SLC27A6: variants seen among roughly 807,000 people sequenced by gnomAD.
SLC27A6 encodes the protein solute carrier family 27 member 6.
In SLC27A6, 74 loss-of-function variants were observed where a neutral mutation model predicts 63.9. That is an observed-to-expected ratio of 1.16 (90% CI 0.96 to 1.40). The LOEUF is 1.40. Among genes scored for constraint, SLC27A6 ranks in the 40% most tolerant of loss-of-function variants. The pLI is 0.00. For missense variants in SLC27A6, 794 were observed against 732.9 expected (o/e 1.08, Z -0.96); for synonymous variants, 287 against 260.8 (o/e 1.10, Z -0.97).
At chr5:129,019,393 A>G (rs1189809367) in intron 5 of SLC27A6, among the ~76,000 whole-genome samples, 1 of 152,042 alleles carries the variant, frequency 6.6e-6, no homozygotes, top group African/African-American at 2.4e-5. Context: ...GGCAGCTGAA[A>G]AAAATGAATG....
chr5:128,993,494 C>A lies in SLC27A6; in HGVS notation c.969+3030C>A, dbSNP rs565340973. On this transcript the variant is annotated intron_variant, in intron 4 of 9. Coordinates refer to ENST00000262462, the MANE Select transcript of SLC27A6 (RefSeq NM_001017372.3). ...ATATTAATGTGCTCTGTTAAGATTA[C>A]TGGCAAGGTGGGACAGTTTTCCAGC... 5.3e-5 allele frequency among the ~76,000 whole-genome samples: 8 copies of A among 152,238 alleles called. No homozygotes were observed. The South Asian group carries it at 1.7e-3, about 32-fold the overall frequency.
chr5:128,974,171 C>A (rs3863174), intron 1 of SLC27A6, among the ~76,000 whole-genome samples: 1 of 152,082 alleles, frequency 6.6e-6, no homozygotes, highest in Non-Finnish European at 1.5e-5. Context: ...TTCTGTTGAC[C>A]GAATTGTTGT....
At chr5:128,987,793 C>A (rs1189654738) in intron 2 of SLC27A6, among the ~76,000 whole-genome samples, 1 of 151,448 alleles carries the variant, frequency 6.6e-6, no homozygotes, top group African/African-American at 2.4e-5. Context: ...GATGAACACA[C>A]AAATAAATGT....
intron 1 of SLC27A6, among the ~76,000 whole-genome samples, chr5:128,983,289 GTTTTTTTTTTT>G (rs1195794733): frequency 9.0e-6 from 1 of 111,108 alleles, no homozygotes. Flanking sequence ...TCTGATCCGG[GTTTTTTTTTTT>G]TTTTTTTTTG....
chr5:128,970,183 T>C (rs567605410), intron 1 of SLC27A6, among the ~76,000 whole-genome samples: 1 of 148,532 alleles, frequency 6.7e-6, no homozygotes, highest in African/African-American at 2.4e-5. Flanking sequence ...TTATTGAGGA[T>C]TTTTGCATCA....
chr5:129,003,001 T>G (rs1324048865), intron 4 of SLC27A6, among the ~76,000 whole-genome samples: 1 of 152,208 alleles, frequency 6.6e-6, no homozygotes, highest in African/African-American at 2.4e-5. Context: ...TATTTCTATG[T>G]GCACCCGAGT....
At chr5:129,031,209 A>G (rs1752405173) in intron 9 of SLC27A6, among the ~76,000 whole-genome samples, 1 of 152,048 alleles carries the variant, frequency 6.6e-6, no homozygotes, top group Non-Finnish European at 1.5e-5. Flanking sequence ...TGTTTATTAG[A>G]GTATTCACTA....
At chr5:128,976,143 G>C (rs1435176892) in intron 1 of SLC27A6, among the ~76,000 whole-genome samples, 1 of 152,114 alleles carries the variant, frequency 6.6e-6, no homozygotes, top group Non-Finnish European at 1.5e-5. Context: ...GGATATCATA[G>C]TATGTAGGTA....
At chr5:128,996,982 G>GA (rs1357235871) in intron 4 of SLC27A6, among the ~76,000 whole-genome samples, 3 of 151,892 alleles carry the variant, frequency 2.0e-5, no homozygotes, top group Middle Eastern at 3.4e-3. Flanking sequence ...TTTCTTTATT[G>GA]AAAATGGGCA....
At chr5:129,011,620 C>T (rs1751729719) in intron 4 of SLC27A6, among the ~76,000 whole-genome samples, 1 of 152,124 alleles carries the variant, frequency 6.6e-6, no homozygotes, top group South Asian at 2.1e-4. Flanking sequence ...GTTCACATCT[C>T]ATGTCCACAA....
intron 6 of SLC27A6, among the ~76,000 whole-genome samples, chr5:129,025,971 C>T (rs923208059): frequency 1.3e-5 from 2 of 151,912 alleles, no homozygotes; most frequent in African/African-American, 4.8e-5. Context: ...CTCGTGTCTA[C>T]AAAAAAATTA....
chr5:128,998,984 C>A (rs937070587), intron 4 of SLC27A6, among the ~76,000 whole-genome samples: 1 of 152,118 alleles, frequency 6.6e-6, no homozygotes, highest in Non-Finnish European at 1.5e-5. Context: ...TGACATAGGG[C>A]AATTCATTGA....
intron 6 of SLC27A6, among the ~76,000 whole-genome samples, chr5:129,026,656 T>C (rs1561633707): frequency 6.6e-6 from 1 of 152,126 alleles, no homozygotes; most frequent in Non-Finnish European, 1.5e-5. Context: ...TCCTTGCTGG[T>C]GAAATAGGGA....
chr5:128,992,277 T>C (rs556475201), intron 4 of SLC27A6, among the ~76,000 whole-genome samples: 3 of 151,628 alleles, frequency 2.0e-5, no homozygotes, highest in Non-Finnish European at 4.4e-5. Flanking sequence ...CTCTCACTTA[T>C]CACCTCTGCC....
intron 4 of SLC27A6, among the ~76,000 whole-genome samples, chr5:128,994,502 C>T (rs1189090227): frequency 6.6e-6 from 1 of 152,172 alleles, no homozygotes; most frequent in Non-Finnish European, 1.5e-5. Flanking sequence ...CTTTCAATGA[C>T]ATTCCCTTGA....
chr5:129,016,718 C>T (rs1395370582), intron 5 of SLC27A6, among the ~76,000 whole-genome samples: 1 of 152,062 alleles, frequency 6.6e-6, no homozygotes, highest in Non-Finnish European at 1.5e-5. Context: ...TGACTCTTTC[C>T]ATTTTCCTTG....
At chr5:128,982,840 G>A (rs921887789) in intron 1 of SLC27A6, among the ~76,000 whole-genome samples, 1 of 152,060 alleles carries the variant, frequency 6.6e-6, no homozygotes, top group African/African-American at 2.4e-5. Flanking sequence ...ACTTAGATTT[G>A]TTATAGAAAT....
At chr5:129,028,192 G>T (rs1241546268) in intron 7 of SLC27A6, among the ~76,000 whole-genome samples, 153 bp from the exon 8 acceptor site, 2 of 152,062 alleles carry the variant, frequency 1.3e-5, no homozygotes, top group Admixed American at 6.6e-5. Context: ...CCAACAAAGT[G>T]CTTTCTTAGA....
intron 1 of SLC27A6, among the ~76,000 whole-genome samples, chr5:128,968,416 C>A (rs140946854): frequency 0.24 from 36,317 of 151,470 alleles, 4,893 homozygotes; most frequent in Middle Eastern, 0.33. Flanking sequence ...CATCCTCTCC[C>A]GCACCTATTG....
Sources: gnomAD v4.1 joint callset for allele counts (sites outside exome capture counted in the v4.1 genomes callset) on GRCh38, gnomAD v4.1.1 for gene constraint, MANE v1.5 for transcripts, NCBI Gene and HGNC (gene_info 2026-07-23, HGNC 2026-07-21) for gene names.